The following PHF20 variants were observed in gnomAD, a reference collection of about 807,000 sequenced individuals.
PHF20 encodes the protein glioma-expressed antigen 2.
PHF20 carries 23 observed loss-of-function variants against 113.5 expected under a neutral mutation model. The ratio of observed to expected loss-of-function variants is 0.20; its 90% CI spans 0.15 to 0.29. The LOEUF is 0.29. Ranked by LOEUF, PHF20 falls within the 10% of genes least tolerant of loss-of-function variation. The pLI, the probability that PHF20 is intolerant of heterozygous loss-of-function variation, is 1.00. For missense variants in PHF20, 943 were observed against 1,219.6 expected, an observed-to-expected ratio of 0.77 and a Z score of 3.38; for synonymous variants, 434 against 457.3, an observed-to-expected ratio of 0.95 and a Z score of 0.65.
chr20:35,786,577 C>T (rs999298463), intron 1 of PHF20, among the ~76,000 whole-genome samples: 1 of 151,988 alleles, frequency 6.6e-6, no homozygotes, highest in Non-Finnish European at 1.5e-5. Context: ...TGGTGCACGC[C>T]TGTAGTTTCA....
At chr20:35,781,833 C>G (rs2041303870) in intron 1 of PHF20, among the ~76,000 whole-genome samples, 1 of 152,092 alleles carries the variant, frequency 6.6e-6, no homozygotes, top group Non-Finnish European at 1.5e-5. Context: ...TGATCCCAGC[C>G]ACTAGGGAGC....
At chr20:35,778,605 TAGTC>T (rs2041221802) in intron 1 of PHF20, among the ~76,000 whole-genome samples, 1 of 151,878 alleles carries the variant, frequency 6.6e-6, no homozygotes, top group Non-Finnish European at 1.5e-5. Context: ...TACAAAAAAT[TAGTC>T]AGGCGTGGTG....
chr20:35,795,335 A>G (rs1161098526), intron 1 of PHF20, among the ~76,000 whole-genome samples: 1 of 151,932 alleles, frequency 6.6e-6, no homozygotes, highest in Admixed American at 6.6e-5. Flanking sequence ...CCCTGGTTCA[A>G]GCAATTCTTC....
At chr20:35,886,534 G>A (rs1466648991) in intron 9 of PHF20, among the ~76,000 whole-genome samples, 1 of 152,116 alleles carries the variant, frequency 6.6e-6, no homozygotes, top group Non-Finnish European at 1.5e-5. Flanking sequence ...TATCAAAAAG[G>A]TATCAAACTG....
chr20:35,863,638 T>C (rs1226187569), intron 6 of PHF20, among the ~76,000 whole-genome samples: 2 of 152,250 alleles, frequency 1.3e-5, no homozygotes, highest in African/African-American at 4.8e-5. Flanking sequence ...TGGTTAACTG[T>C]TGACTAGATA....
chr20:35,932,710 T>C (rs752256831), intron 15 of PHF20, among the ~76,000 whole-genome samples: 15 of 152,248 alleles, frequency 9.9e-5, no homozygotes, highest in Admixed American at 5.9e-4. Context: ...GGATTACAGG[T>C]GTGAGCCACT....
rs2054631942 is a variant in PHF20 at position 35,881,460 on chromosome 20, G to A, written c.1282+9631G>A. ...GGAGGCTGAGGTGGGCGAATTGCTTGAACCCAGGAGGTGGAGGTTGCAGTG... is the reference window on the plus strand; with the variant it reads ...GGAGGCTGAGGTGGGCGAATTGCTTAAACCCAGGAGGTGGAGGTTGCAGTG... On this transcript the variant is annotated intron_variant, in intron 9 of 17. Coordinates refer to ENST00000374012, the MANE Select transcript of PHF20 (RefSeq NM_016436.5). Among the ~76,000 whole-genome samples the A allele has an allele frequency of 2.7e-5, 4 of 149,984 alleles. No homozygotes were observed. In the East Asian group the frequency reaches 8.0e-4, roughly 30 times the overall value.
chr20:35,940,769 C>A (rs969155964), intron 16 of PHF20, 95 bp from the exon 17 acceptor site: 2 of 1,006,598 alleles, frequency 2.0e-6, no homozygotes, highest in African/African-American at 1.6e-5. Flanking sequence ...ATTGAAACTG[C>A]AGCTAGTATT....
In PHF20 at chr20:35,931,391, G is replaced by A; in HGVS notation, c.2247G>A (p.Val749=). The A allele has an allele frequency of 1.2e-6, 2 of 1,614,026 alleles. No individual in the cohort carries two copies. Among genetic ancestry groups the A allele is most frequent in the Non-Finnish European group, 1.7e-6 (2 of 1,180,000 alleles). ...CCACCCACCAGCTTCTTGGTGATGT[G>A]CAGAGAGTGATTGAGGTTCTGCATG... ...IVATHQLLGD[V]QRVIEVLHGL... is the part of the protein sequence containing the mutation. The change falls in exon 15 of 18, where the codon GTG becomes GTA. Residue 749 remains valine (V), a synonymous_variant. Transcript: ENST00000374012.
intron 1 of PHF20, among the ~76,000 whole-genome samples, chr20:35,779,622 C>G (rs945104681): frequency 6.6e-6 from 1 of 151,740 alleles, no homozygotes; most frequent in Non-Finnish European, 1.5e-5. Flanking sequence ...TGGGTTCAAG[C>G]AATTCTCCTG....
In PHF20 at chr20:35,917,592, A is replaced by T; in HGVS notation, c.1934A>T (p.Asp645Val). ...AACCCAGATGAGGAACTTGATGGGG[A>T]TGACCGCTATGACTTCGAGGTGGTC... ...TTNPDEELDG[D>V]DRYDFEVVRC... Residue 645 changes from aspartate to valine, a missense_variant, in exon 13 of 18, where the codon GAT becomes GTT. Physicochemically the swap from Asp to Val is radical, Grantham distance 152. Around this residue, in one of 3 missense-constraint regions of PHF20, gnomAD observed 592 missense variants for 787.2 expected, o/e 0.75. Transcript: ENST00000374012. 1.2e-6 allele frequency: 2 copies of T among 1,613,862 alleles called. No homozygotes were observed. The highest frequency in any genetic ancestry group is 1.7e-6 in the Non-Finnish European group (2 of 1,179,796).
At chr20:35,920,353 C>T (rs374581278) in intron 13 of PHF20, among the ~76,000 whole-genome samples, 4 of 152,158 alleles carry the variant, frequency 2.6e-5, no homozygotes, top group African/African-American at 7.2e-5. Context: ...GTACCACAGT[C>T]GTGCTCTTTT....
chr20:35,804,251 TG>T lies in PHF20; in HGVS notation c.83+2647del, dbSNP rs1393907298. Among the ~76,000 whole-genome samples the T allele has an allele frequency of 1.2e-3, 178 of 144,272 alleles. 2 individuals are homozygous for T. The highest frequency in any genetic ancestry group is 2.0e-3 in the Non-Finnish European group (132 of 66,116). 94.6% of individuals were successfully genotyped at this position (144,272 alleles called of 152,430 possible). On this transcript the variant is annotated intron_variant, in intron 2 of 17. Coordinates refer to ENST00000374012, the MANE Select transcript of PHF20 (RefSeq NM_016436.5). ...TATGTTTTTTTTTTTTTTTTTTTTT[TG>T]AGACGTAGTCTTGCTCAGTCGCCCA...
At chr20:35,786,127 G>A (rs565397242) in intron 1 of PHF20, among the ~76,000 whole-genome samples, 125 of 152,104 alleles carry the variant, frequency 8.2e-4, no homozygotes, top group Non-Finnish European at 1.6e-3. Context: ...GGTGGCTCAC[G>A]CCTGTAATCC....
intron 4 of PHF20, among the ~76,000 whole-genome samples, chr20:35,852,203 C>T (rs1035692239): frequency 2.0e-5 from 3 of 152,138 alleles, no homozygotes; most frequent in African/African-American, 7.2e-5. Flanking sequence ...AACTGTCGTT[C>T]CCACAGTACC....
chr20:35,869,072 C>T (rs962337348), intron 6 of PHF20, among the ~76,000 whole-genome samples: 2 of 151,452 alleles, frequency 1.3e-5, no homozygotes, highest in Non-Finnish European at 2.9e-5. Flanking sequence ...GCTTGGGTGA[C>T]AGAGCGAGAC....
intron 3 of PHF20, among the ~76,000 whole-genome samples, chr20:35,846,651 G>A (rs1284747632): frequency 1.3e-5 from 2 of 152,070 alleles, no homozygotes; most frequent in Admixed American, 1.3e-4. Flanking sequence ...TAGTAGTCCT[G>A]GCCTCTTAGA....
intron 2 of PHF20, among the ~76,000 whole-genome samples, chr20:35,831,137 C>T (rs908252906): frequency 2.0e-5 from 3 of 151,128 alleles, no homozygotes; most frequent in South Asian, 4.2e-4. Flanking sequence ...CCCTCCCTCC[C>T]TCTCTTCCTC....
chr20:35,861,854 T>G (rs1468650978), intron 5 of PHF20, among the ~76,000 whole-genome samples: 1 of 152,180 alleles, frequency 6.6e-6, no homozygotes, highest in Non-Finnish European at 1.5e-5. Flanking sequence ...AAACTTTTAT[T>G]TGTTGAGTAT....
Sources: gnomAD v4.1 joint callset for allele counts (sites outside exome capture counted in the v4.1 genomes callset) on GRCh38, gnomAD v4.1.1 for gene constraint, gnomAD v4.1.1 regional missense constraint, MANE v1.5 for transcripts, NCBI Gene and HGNC (gene_info 2026-07-23, HGNC 2026-07-21) for gene names.